The following DCHS2 variants were observed in gnomAD, a reference collection of about 807,000 sequenced individuals.
DCHS2 encodes protocadherin-23.
Under a neutral mutation model 182.4 loss-of-function variants are expected in DCHS2, and 142 were observed. The observed-to-expected ratio is 0.78, with a 90% CI of 0.68 to 0.89. DCHS2 has a LOEUF of 0.89. Among genes scored for constraint, DCHS2 ranks in the 40% least tolerant of loss-of-function variants. The pLI is 0.00. For synonymous variants in DCHS2, 1,740 were observed against 1,663.3 expected, an observed-to-expected ratio of 1.05 and a Z score of -1.12; for missense variants, 4,319 against 4,198.6, an observed-to-expected ratio of 1.03 and a Z score of -0.79.
At chr4:154,450,266 C>T (rs569264620) in intron 1 of DCHS2, among the ~76,000 whole-genome samples, 5 of 152,174 alleles carry the variant, frequency 3.3e-5, no homozygotes, top group South Asian at 2.1e-4. Flanking sequence ...AGAAAGGGGA[C>T]GAGGGACTTT....
intron 1 of DCHS2, among the ~76,000 whole-genome samples, chr4:154,385,974 A>C (rs1731395036): frequency 1.3e-5 from 2 of 151,788 alleles, no homozygotes; most frequent in Non-Finnish European, 2.9e-5. Flanking sequence ...GCCAACTCAC[A>C]CCTCACACGT....
intron 1 of DCHS2, among the ~76,000 whole-genome samples, chr4:154,462,876 T>C (rs1419978629): frequency 6.6e-6 from 1 of 152,114 alleles, no homozygotes; most frequent in African/African-American, 2.4e-5. Flanking sequence ...TATACAGTTC[T>C]CTACAACTAA....
At chr4:154,338,588 A>T (rs893430815) in intron 3 of DCHS2, among the ~76,000 whole-genome samples, 2 of 152,226 alleles carry the variant, frequency 1.3e-5, no homozygotes, top group Admixed American at 6.5e-5. Context: ...AATTGTTCAC[A>T]CTCAATAACT....
Position 154,332,590 on chromosome 4 carries a change from G to A in DCHS2, c.3618C>T (p.Pro1206=). The change falls in exon 5 of 20, where the codon CCC becomes CCT. Residue 1206 remains proline, a synonymous_variant. Transcript: ENST00000357232. ...CTGTAATTTTGCCTATTACCCCTTG[G>A]GGAACAGGGCTCTCTTCGACTTTCA... ...LFLKVEESPV[P]QGVIGKITAI... 2 of 1,614,120 alleles carry A rather than the reference G, an allele frequency of 1.2e-6. No homozygotes were observed. Among genetic ancestry groups the A allele is most frequent in the South Asian group, 1.1e-5 (1 of 91,072 alleles).
At chr4:154,281,695 G>A (rs1237237459) in intron 13 of DCHS2, among the ~76,000 whole-genome samples, 1 of 152,016 alleles carries the variant, frequency 6.6e-6, no homozygotes, top group Non-Finnish European at 1.5e-5. Flanking sequence ...AATAAATATG[G>A]AATGTCAAAG....
intron 1 of DCHS2, among the ~76,000 whole-genome samples, chr4:154,466,283 A>C (rs922515725): frequency 6.6e-6 from 1 of 152,044 alleles, no homozygotes; most frequent in Non-Finnish European, 1.5e-5. Flanking sequence ...AAGACAGAAG[A>C]CTCCTGGATC....
At chr4:154,480,802 T>C (rs1477067943) in intron 1 of DCHS2, among the ~76,000 whole-genome samples, 1 of 152,202 alleles carries the variant, frequency 6.6e-6, no homozygotes, top group Non-Finnish European at 1.5e-5. Flanking sequence ...AAAATTTATT[T>C]TCTTGAAATA....
At chr4:154,397,597 A>G (rs1159034847) in intron 1 of DCHS2, among the ~76,000 whole-genome samples, 1 of 152,218 alleles carries the variant, frequency 6.6e-6, no homozygotes, top group African/African-American at 2.4e-5. Flanking sequence ...TTTCTAGACA[A>G]CAATCCCTCC....
chr4:154,260,783 A>G (rs1732951311), intron 14 of DCHS2, among the ~76,000 whole-genome samples: 1 of 152,026 alleles, frequency 6.6e-6, no homozygotes, highest in Admixed American at 6.6e-5. Context: ...TCCATACACC[A>G]TCTCTTACGT....
chr4:154,250,647 C>T (rs1375290665), intron 16 of DCHS2, among the ~76,000 whole-genome samples: 2 of 152,142 alleles, frequency 1.3e-5, no homozygotes, highest in African/African-American at 4.8e-5. Flanking sequence ...GATCAAGTTC[C>T]TATGGATTCC....
At position 154,491,683 on chromosome 4, in the gene DCHS2, G is replaced by C; in HGVS notation, c.-328C>G. On this transcript the variant is annotated 5_prime_UTR_variant, in exon 1 of 20. Transcript: ENST00000357232. ...ATCTGTTCCTTGTTCTACTCGGCTGGTTGTTCCCCCCTGGTAAAGTCAGGT... is the reference window on the plus strand; with the variant it reads ...ATCTGTTCCTTGTTCTACTCGGCTGCTTGTTCCCCCCTGGTAAAGTCAGGT... 8.6e-7 allele frequency: 1 copy of C among 1,158,542 alleles called. No individual in the cohort carries two copies. The highest frequency in any genetic ancestry group is 1.1e-6 in the Non-Finnish European group (1 of 942,708). 71.8% of individuals were successfully genotyped at this position (1,158,542 alleles called of 1,614,324 possible).
At chr4:154,384,605 T>C (rs1731319029) in intron 1 of DCHS2, 1 of 1,424,052 alleles carries the variant, frequency 7.0e-7, no homozygotes, top group East Asian at 2.6e-5. Context: ...AAGTTGAGGA[T>C]TTTGAGAGGA....
At chr4:154,382,013 C>G (rs929269137) in intron 1 of DCHS2, among the ~76,000 whole-genome samples, 2 of 152,156 alleles carry the variant, frequency 1.3e-5, no homozygotes, top group Non-Finnish European at 2.9e-5. Context: ...TTGGAGGCAT[C>G]ACATTATCCA....
rs2111057579 is a variant in DCHS2, at chr4:154,490,297, C to T, written c.1059G>A (p.Ala353=). The part of the protein sequence containing the change: ...AGSGGGALGD[A]AYFAVEELSG... ...TCAGCTCCTCCACCGCGAAGTAGGC[C>T]GCGTCGCCCAGTGCCCCGCCGCCGC... The change falls in exon 1 of 20, where the codon GCG becomes GCA. Residue 353 remains alanine, a synonymous_variant. Transcript: ENST00000357232. The T allele has an allele frequency of 6.5e-6, 10 of 1,547,202 alleles. No homozygotes were observed. Among genetic ancestry groups the T allele is most frequent in the Non-Finnish European group, 8.7e-6 (10 of 1,146,620 alleles).
At chr4:154,481,636 C>G (rs1362396526) in intron 1 of DCHS2, among the ~76,000 whole-genome samples, 1 of 152,156 alleles carries the variant, frequency 6.6e-6, no homozygotes, top group Non-Finnish European at 1.5e-5. Context: ...GGTAAACTTT[C>G]CTGGGAGTTT....
intron 2 of DCHS2, among the ~76,000 whole-genome samples, chr4:154,370,864 AG>A (rs1213821454): frequency 6.6e-6 from 1 of 152,208 alleles, no homozygotes; most frequent in African/African-American, 2.4e-5. Context: ...GGAAAACTAA[AG>A]GGAGTTTGCA....
intron 14 of DCHS2, among the ~76,000 whole-genome samples, chr4:154,265,318 T>G (rs1390789558): frequency 6.6e-6 from 1 of 152,224 alleles, no homozygotes; most frequent in Non-Finnish European, 1.5e-5. Context: ...TATTTCTCTT[T>G]AACATGTAAT....
rs1270456956 is a variant in DCHS2 at position 154,234,455 on chromosome 4, A to T, written c.*81T>A. 2 of 1,434,344 alleles carry T rather than the reference A, an allele frequency of 1.4e-6. No homozygotes were observed. The highest frequency in any genetic ancestry group is 1.8e-6 in the Non-Finnish European group (2 of 1,090,330). 88.9% of individuals were successfully genotyped at this position (1,434,344 alleles called of 1,614,324 possible). ...CTTGCTTTTAGATAAAAATGAGCCC[A>T]ATCTCGAGTTGCTGGCTTGAAAACA... On this transcript the variant is annotated 3_prime_UTR_variant, in exon 20 of 20. Transcript: ENST00000357232.
rs995658010 is a variant in DCHS2, at chr4:154,350,356, T to C, written c.2477-15252A>G. On this transcript the variant is annotated intron_variant, in intron 3 of 19. Transcript: ENST00000357232. ...AACAAGCAAATCATTGGAAAATATC[T>C]CTGCAGAAAGGACTACATAATTAAA... 3.9e-5 allele frequency among the ~76,000 whole-genome samples: 6 copies of C among 152,230 alleles called. No homozygotes were observed. In the South Asian group the frequency reaches 1.0e-3, roughly 26 times the overall value.
Sources: allele counts gnomAD v4.1 joint callset (sites outside exome capture counted in the v4.1 genomes callset), GRCh38; gene constraint gnomAD v4.1.1; transcripts MANE v1.5; gene names NCBI Gene and HGNC (gene_info 2026-07-23, HGNC 2026-07-21).